The following GSK3B variants were observed in gnomAD, a reference collection of about 807,000 sequenced individuals.
GSK3B encodes the protein glycogen synthase kinase-3 beta.
Under a neutral mutation model 56.4 loss-of-function variants are expected in GSK3B, and 15 were observed. The ratio of observed to expected loss-of-function variants is 0.27; its 90% CI spans 0.18 to 0.41. GSK3B has a LOEUF of 0.41. Among genes scored for constraint, GSK3B ranks in the 10% least tolerant of loss-of-function variants. GSK3B has a pLI of 1.00. For missense variants in GSK3B, 300 were observed against 513.4 expected (o/e 0.58, Z 4.02); for synonymous variants, 181 against 188.9 (o/e 0.96, Z 0.34).
Position 119,824,664 on chromosome 3 carries a change from C to G in GSK3B, c.*2124G>C, listed in dbSNP as rs536612926. 1 of 196,980 alleles carries G rather than the reference C, an allele frequency of 5.1e-6. No individual in the cohort carries two copies. 12.2% of individuals were successfully genotyped at this position (196,980 alleles called of 1,614,324 possible). On this transcript the variant is annotated 3_prime_UTR_variant, in exon 11 of 11. Transcript: ENST00000264235. ...CTTTGATTTCAGACTTCTTTCAAATCTTAGCTTTCAGAAGCACTTTATAAA... is the reference window on the plus strand; with the variant it reads ...CTTTGATTTCAGACTTCTTTCAAATGTTAGCTTTCAGAAGCACTTTATAAA...
intron 2 of GSK3B, among the ~76,000 whole-genome samples, chr3:119,955,895 C>T (rs575743662): frequency 2.6e-5 from 4 of 152,196 alleles, no homozygotes; most frequent in South Asian, 4.1e-4. Flanking sequence ...TCTGGTGATC[C>T]GCCTACCTCG....
At chr3:119,917,886 A>C (rs758668023) in intron 4 of GSK3B, among the ~76,000 whole-genome samples, 14 of 152,122 alleles carry the variant, frequency 9.2e-5, no homozygotes, top group Non-Finnish European at 1.6e-4. Context: ...TCTAGACTAG[A>C]ATGATAGCAA....
intron 2 of GSK3B, among the ~76,000 whole-genome samples, chr3:119,964,445 A>C (rs984017607): frequency 6.6e-6 from 1 of 152,354 alleles, no homozygotes; most frequent in East Asian, 1.9e-4. Flanking sequence ...ATAAGAAGGA[A>C]ATCTTACCAC....
At chr3:119,890,967 A>T (rs1277575508) in intron 7 of GSK3B, among the ~76,000 whole-genome samples, 1 of 152,092 alleles carries the variant, frequency 6.6e-6, no homozygotes, top group African/African-American at 2.4e-5. Flanking sequence ...TCAGCCTCTG[A>T]AGTTATTCAC....
At chr3:119,862,044 G>A (rs1369404252) in intron 9 of GSK3B, among the ~76,000 whole-genome samples, 1 of 150,956 alleles carries the variant, frequency 6.6e-6, no homozygotes, top group Non-Finnish European at 1.5e-5. Flanking sequence ...TATATCTAAT[G>A]TGCTGGGCAA....
intron 6 of GSK3B, among the ~76,000 whole-genome samples, chr3:119,908,123 TAC>T (rs1559831855): frequency 1.3e-5 from 2 of 152,166 alleles, no homozygotes; most frequent in South Asian, 2.1e-4. Flanking sequence ...TTAAAAACAT[TAC>T]AGTCTTAAGA....
intron 1 of GSK3B, 143 bp downstream of exon 1, chr3:120,093,204 C>T (rs1178454625): frequency 3.4e-6 from 2 of 587,042 alleles, no homozygotes; most frequent in Admixed American, 2.8e-5. Context: ...AAGGGAGCTG[C>T]TTCATCCTTG....
intron 7 of GSK3B, among the ~76,000 whole-genome samples, chr3:119,883,635 C>T (rs1433702172): frequency 6.6e-6 from 1 of 152,044 alleles, no homozygotes; most frequent in African/African-American, 2.4e-5. Context: ...TGTGTTTGGC[C>T]CCTGGACCCT....
rs959071407 is a variant in GSK3B at position 119,822,421 on chromosome 3, C to T, written c.*4367G>A. The T allele has an allele frequency of 9.1e-6, 2 of 219,768 alleles. No individual in the cohort carries two copies. Among genetic ancestry groups the T allele is most frequent in the Non-Finnish European group, 1.8e-5 (2 of 110,008 alleles). The allele number at this position is 219,768 out of a possible 1,614,324, so 13.6% of individuals were successfully genotyped here. A position where few individuals can be genotyped will look rare whatever the true frequency, so the allele number is the denominator to read the frequency against. Reference sequence around the variant, plus strand: ...ACAACTATCTGTATCTGCCTGTAGACAGATATAGTTAAGGAAAAAAAAACT... The same window carrying T: ...ACAACTATCTGTATCTGCCTGTAGATAGATATAGTTAAGGAAAAAAAAACT... On this transcript the variant is annotated 3_prime_UTR_variant, in exon 11 of 11. Coordinates refer to ENST00000264235, the MANE Select transcript of GSK3B (RefSeq NM_001146156.2).
intron 9 of GSK3B, among the ~76,000 whole-genome samples, chr3:119,862,102 T>TA (rs1559812444): frequency 1.3e-5 from 2 of 151,320 alleles, no homozygotes; most frequent in South Asian, 2.1e-4. Flanking sequence ...TTTTTTTTTT[T>TA]AAAAGAAACT....
At chr3:119,930,514 TAGA>T (rs1192520506) in intron 3 of GSK3B, among the ~76,000 whole-genome samples, 2 of 152,176 alleles carry the variant, frequency 1.3e-5, no homozygotes, top group Non-Finnish European at 2.9e-5. Context: ...GACACAGACC[TAGA>T]AGAATGGCTT....
At chr3:120,057,266 T>A (rs923246537) in intron 1 of GSK3B, among the ~76,000 whole-genome samples, 1 of 152,174 alleles carries the variant, frequency 6.6e-6, no homozygotes, top group East Asian at 1.9e-4. Context: ...TTAATAAGAA[T>A]TTAGAAAAAC....
At chr3:119,922,520 CTATTATTAT>C (rs539174362) in intron 4 of GSK3B, among the ~76,000 whole-genome samples, 10 of 146,808 alleles carry the variant, frequency 6.8e-5, no homozygotes, top group South Asian at 2.1e-4. Flanking sequence ...TGAAGAACTT[CTATTATTAT>C]TATTATTATT....
chr3:120,091,356 A>G (rs1342890380), intron 1 of GSK3B, among the ~76,000 whole-genome samples: 4 of 152,198 alleles, frequency 2.6e-5, no homozygotes, highest in Non-Finnish European at 5.9e-5. Flanking sequence ...ACTAAACTCC[A>G]ACTTTTAAAA....
chr3:119,863,725 G>A (rs898236900), intron 8 of GSK3B, 120 bp from the exon 9 acceptor site: 23 of 636,664 alleles, frequency 3.6e-5, no homozygotes, highest in Non-Finnish European at 6.4e-5. Context: ...TTTGGGAAAG[G>A]ACCTTCTAGA....
At position 119,886,305 on chromosome 3, in the gene GSK3B, AATC is replaced by A. The variant is rs1239142831; in HGVS notation, c.814-9800_814-9798del. Among the ~76,000 whole-genome samples the A allele has an allele frequency of 1.2e-4, 19 of 152,230 alleles. No individual in the cohort carries two copies. The South Asian group carries it at 2.5e-3, about 20-fold the overall frequency. On this transcript the variant is annotated intron_variant, in intron 7 of 10. Transcript: ENST00000264235. Reference sequence around the variant, plus strand: ...CATGAAAAAAATGCTTCACATCACTAATCATCAGAGAAATGCAAGTCAAAACCA... The same window carrying A: ...CATGAAAAAAATGCTTCACATCACTAATCAGAGAAATGCAAGTCAAAACCA...
At chr3:120,051,168 C>A (rs2058146111) in intron 1 of GSK3B, among the ~76,000 whole-genome samples, 1 of 146,156 alleles carries the variant, frequency 6.8e-6, no homozygotes. Context: ...AATCAGTGGG[C>A]AAGCAAGAGA....
intron 1 of GSK3B, among the ~76,000 whole-genome samples, chr3:120,002,699 T>C (rs1359087194): frequency 6.6e-6 from 1 of 152,204 alleles, no homozygotes; most frequent in Non-Finnish European, 1.5e-5. Flanking sequence ...TTACTTCAAT[T>C]ACTTGTTTCA....
chr3:119,961,124 T>C (rs532988467), intron 2 of GSK3B, among the ~76,000 whole-genome samples: 1 of 152,216 alleles, frequency 6.6e-6, no homozygotes, highest in South Asian at 2.1e-4. Context: ...AAAGGACTAC[T>C]TCCCATTCCT....
Sources: gnomAD v4.1 joint callset for allele counts (sites outside exome capture counted in the v4.1 genomes callset) on GRCh38, gnomAD v4.1.1 for gene constraint, MANE v1.5 for transcripts, NCBI Gene and HGNC (gene_info 2026-07-23, HGNC 2026-07-21) for gene names.